SORBS2: variants seen among roughly 807,000 people sequenced by gnomAD.
SORBS2 encodes the protein sorbin and SH3 domain-containing protein 2.
Under a neutral mutation model 97.7 loss-of-function variants are expected in SORBS2, and 46 were observed. The observed-to-expected ratio is 0.47, with a 90% CI of 0.37 to 0.60. SORBS2 has a LOEUF of 0.60. Ranked by LOEUF, SORBS2 falls within the 20% of genes least tolerant of loss-of-function variation. SORBS2 has a pLI of 0.00. For synonymous variants in SORBS2, 476 were observed against 473.4 expected (o/e 1.01, Z -0.07); for missense variants, 1,316 against 1,282.3 (o/e 1.03, Z -0.40).
intron 1 of SORBS2, among the ~76,000 whole-genome samples, chr4:185,790,372 T>C (rs972753023): frequency 6.6e-6 from 1 of 152,270 alleles, no homozygotes; most frequent in Middle Eastern, 3.4e-3. Context: ...AAAAGACATA[T>C]TGTAGCGAAA....
intron 2 of SORBS2, among the ~76,000 whole-genome samples, chr4:185,737,108 T>G (rs1189239745): frequency 6.6e-6 from 1 of 152,230 alleles, no homozygotes; most frequent in Non-Finnish European, 1.5e-5. Flanking sequence ...GGTGTCAGAA[T>G]TGCCCACGAT....
chr4:185,609,068 C>T (rs1299968340), intron 12 of SORBS2, among the ~76,000 whole-genome samples: 1 of 151,692 alleles, frequency 6.6e-6, no homozygotes, highest in Non-Finnish European at 1.5e-5. Context: ...CATCTTAATA[C>T]AGGATTCAGG....
chr4:185,710,822 T>C (rs1194446345), intron 2 of SORBS2, among the ~76,000 whole-genome samples: 2 of 152,214 alleles, frequency 1.3e-5, no homozygotes, highest in Non-Finnish European at 2.9e-5. Context: ...GGAGAGGTGG[T>C]GCTGCCTGAT....
chr4:185,672,208 C>G (rs1178485075), intron 4 of SORBS2, among the ~76,000 whole-genome samples: 1 of 152,212 alleles, frequency 6.6e-6, no homozygotes, highest in Non-Finnish European at 1.5e-5. Context: ...ACATACTGAT[C>G]CCATGGAGCA....
chr4:185,876,981 T>A (rs2099234035), intron 1 of SORBS2, among the ~76,000 whole-genome samples: 1 of 152,226 alleles, frequency 6.6e-6, no homozygotes, highest in African/African-American at 2.4e-5. Context: ...TTAGTCATGG[T>A]TGTAGCTTAA....
At chr4:185,868,797 T>A (rs1216835448) in intron 1 of SORBS2, among the ~76,000 whole-genome samples, 1 of 152,218 alleles carries the variant, frequency 6.6e-6, no homozygotes, top group Non-Finnish European at 1.5e-5. Context: ...AGAGTATTAT[T>A]TTTGAATCAG....
rs148753630 is a variant in SORBS2, at chr4:185,820,634, C to T, written c.-337-45268G>A. Among the ~76,000 whole-genome samples, 247 of 152,280 alleles carry T rather than the reference C, an allele frequency of 1.6e-3. 3 individuals carry two copies. Among genetic ancestry groups the T allele is most frequent in the African/African-American group, 5.8e-3 (241 of 41,564 alleles). On this transcript the variant is annotated intron_variant, in intron 1 of 20. Transcript: ENST00000284776. Reference sequence around the variant, plus strand: ...ACACCTTGCCTGCGGGGAAGGCCTACGGAGGCCTTGCAGACAGCGTCTCAG... The same window carrying T: ...ACACCTTGCCTGCGGGGAAGGCCTATGGAGGCCTTGCAGACAGCGTCTCAG...
intron 1 of SORBS2, among the ~76,000 whole-genome samples, chr4:185,833,914 C>A (rs1293819408): frequency 6.6e-6 from 1 of 152,150 alleles, no homozygotes; most frequent in African/African-American, 2.4e-5. Flanking sequence ...CCTCATTGGA[C>A]TGACAGCTCC....
chr4:185,869,132 G>A (rs2099228965), intron 1 of SORBS2, among the ~76,000 whole-genome samples: 1 of 152,204 alleles, frequency 6.6e-6, no homozygotes, highest in Admixed American at 6.5e-5. Flanking sequence ...TGGGCAGGTG[G>A]TTTTCTATTC....
At chr4:185,642,688 T>C (rs1014763612) in intron 4 of SORBS2, among the ~76,000 whole-genome samples, 1 of 152,222 alleles carries the variant, frequency 6.6e-6, no homozygotes, top group African/African-American at 2.4e-5. Context: ...TCACTTTTAC[T>C]TTCCCTGTTA....
chr4:185,691,882 C>T (rs1384981171), intron 2 of SORBS2, among the ~76,000 whole-genome samples: 3 of 152,130 alleles, frequency 2.0e-5, no homozygotes, highest in Non-Finnish European at 2.9e-5. Context: ...GTAGCTGGGA[C>T]TACAGGCACC....
chr4:185,633,025 G>T (rs1466326669), intron 4 of SORBS2, among the ~76,000 whole-genome samples: 1 of 152,128 alleles, frequency 6.6e-6, no homozygotes, highest in South Asian at 2.1e-4. Flanking sequence ...TACCAGTTAT[G>T]ATCTACTATT....
chr4:185,598,859 A>G (rs761576799), intron 12 of SORBS2, among the ~76,000 whole-genome samples: 7 of 151,956 alleles, frequency 4.6e-5, no homozygotes, highest in South Asian at 2.1e-4. Context: ...ATACAAATAC[A>G]TAATGTAAAA....
chr4:185,656,544 C>G, intron 1 of SORBS2: 2 of 1,173,188 alleles, frequency 1.7e-6, no homozygotes, highest in Non-Finnish European at 2.4e-6. Context: ...TGGCCACACC[C>G]CAGCTTTACA....
intron 1 of SORBS2, among the ~76,000 whole-genome samples, chr4:185,907,894 C>T (rs147598855): frequency 6.6e-6 from 1 of 152,068 alleles, no homozygotes. Flanking sequence ...GTAAACATAA[C>T]CATATACACA....
intron 2 of SORBS2, among the ~76,000 whole-genome samples, chr4:185,737,446 AG>A (rs796461307): frequency 1.9e-4 from 29 of 152,214 alleles, no homozygotes; most frequent in African/African-American, 7.0e-4. Flanking sequence ...CTGACAATAC[AG>A]GTGCAATTCA....
At chr4:185,890,277 T>G (rs1315796565) in intron 1 of SORBS2, among the ~76,000 whole-genome samples, 1 of 152,196 alleles carries the variant, frequency 6.6e-6, no homozygotes, top group Admixed American at 6.5e-5. Flanking sequence ...TCAAGTATAT[T>G]CCATTCAATT....
Position 185,812,045 on chromosome 4 carries a change from T to TA in SORBS2, c.-337-36680dup, listed in dbSNP as rs2099187314. 6.6e-6 allele frequency: 1 copy of TA among 152,234 alleles called. No individual in the cohort carries two copies. Among genetic ancestry groups the TA allele is most frequent in the Non-Finnish European group, 1.5e-5 (1 of 68,050 alleles). The allele number at this position is 152,234 out of a possible 1,614,324, so 9.4% of individuals were successfully genotyped here. ...CTGCATTCCACATTCTCCAATCAGC[T>TA]AATTGGAACGGCAGTCAACAGCCTG... On this transcript the variant is annotated intron_variant, in intron 1 of 20. It removes the in-frame stop codon of an upstream open reading frame in the 5' UTR. Coordinates refer to the SORBS2 transcript ENST00000284776.
At chr4:185,908,486 G>A (rs2099252955) in intron 1 of SORBS2, among the ~76,000 whole-genome samples, 1 of 150,986 alleles carries the variant, frequency 6.6e-6, no homozygotes, top group Admixed American at 6.6e-5. Context: ...AAAAAAAAGT[G>A]CCACGTTCCC....
Sources: allele counts gnomAD v4.1 joint callset (sites outside exome capture counted in the v4.1 genomes callset), GRCh38; gene constraint gnomAD v4.1.1; transcripts MANE v1.5; gene names NCBI Gene and HGNC (gene_info 2026-07-23, HGNC 2026-07-21).